TLL2: variants seen among roughly 807,000 people sequenced by gnomAD.
TLL2 encodes the protein tolloid like 2, also known as tolloid-like protein 2.
TLL2 carries 106 observed loss-of-function variants against 123.0 expected under a neutral mutation model. That is an observed-to-expected ratio of 0.86 (90% confidence interval 0.74 to 1.01). The LOEUF is 1.01. Ranked by LOEUF, TLL2 falls within the 50% of genes least tolerant of loss-of-function variation. The pLI, the probability that TLL2 is intolerant of heterozygous loss-of-function variation, is 0.00. For synonymous variants in TLL2, 494 were observed against 516.8 expected (o/e 0.96, Z 0.60); for missense variants, 1,332 against 1,336.7 (o/e 1.00, Z 0.06).
At chr10:96,368,703 G>A (rs1412199264) in intron 20 of TLL2, among the ~76,000 whole-genome samples, 1 of 152,192 alleles carries the variant, frequency 6.6e-6, no homozygotes, top group East Asian at 1.9e-4. Context: ...CTGAAACAAA[G>A]ACCATGGTTC....
intron 3 of TLL2, among the ~76,000 whole-genome samples, chr10:96,444,457 G>A (rs1240538971): frequency 2.6e-5 from 4 of 152,158 alleles, no homozygotes; most frequent in African/African-American, 4.8e-5. Context: ...TATTGATGAC[G>A]AAAGCATGAT....
At chr10:96,478,732 G>A (rs766127089) in intron 2 of TLL2, among the ~76,000 whole-genome samples, 41 of 152,186 alleles carry the variant, frequency 2.7e-4, no homozygotes, top group Non-Finnish European at 5.3e-4. Context: ...CAGACTGTAC[G>A]ACTCCATGCA....
At position 96,513,719 on chromosome 10, in the gene TLL2, G is replaced by A; in HGVS notation, c.-34C>T. 6.8e-7 allele frequency: 1 copy of A among 1,466,046 alleles called. No homozygotes were observed. The highest frequency in any genetic ancestry group is 2.4e-4 in the Middle Eastern group (1 of 4,100). The allele number at this position is 1,466,046 out of a possible 1,614,324, so 90.8% of individuals were successfully genotyped here. On this transcript the variant is annotated 5_prime_UTR_variant, in exon 1 of 21. Coordinates refer to ENST00000357947, the MANE Select transcript of TLL2 (RefSeq NM_012465.4). ...GGGGCCGGCTGGGGCAGAGGGAGTTGCGTGCACGAAAGCTCAGCTCGGCCG... is the reference window on the plus strand; with the variant it reads ...GGGGCCGGCTGGGGCAGAGGGAGTTACGTGCACGAAAGCTCAGCTCGGCCG...
In TLL2 at chr10:96,380,818, G is replaced by A. The variant is rs140125791; in HGVS notation, c.2195-1726C>T. On this transcript the variant is annotated intron_variant, in intron 16 of 20. Coordinates refer to ENST00000357947, the MANE Select transcript of TLL2 (RefSeq NM_012465.4). ...GTGGATCACCTGAGGTCCGGAGTTC[G>A]AGACACAAATTAGCCAGGCATGGTG... is the stretch of plus-strand genomic sequence containing the variant. Among the ~76,000 whole-genome samples the A allele has an allele frequency of 4.2e-3, 619 of 147,758 alleles. 4 individuals carry two copies. The highest frequency in any genetic ancestry group is 0.015 in the African/African-American group (590 of 40,048).
Position 96,447,405 on chromosome 10 carries a change from G to A in TLL2, c.287-1237C>T, listed in dbSNP as rs934376273. The stretch of plus-strand genomic sequence containing the variant: ...GACACAGGCAGACAAAAGCAGAAGC[G>A]GGGTGAACAGTTAGGAGCCTTGCAA... On this transcript the variant is annotated intron_variant, in intron 2 of 20. Transcript: ENST00000357947. 5.9e-5 allele frequency among the ~76,000 whole-genome samples: 9 copies of A among 152,336 alleles called. No individual in the cohort carries two copies. In the East Asian group the frequency reaches 1.5e-3, roughly 26 times the overall value.
chr10:96,486,532 AC>A (rs1248727256), intron 1 of TLL2, among the ~76,000 whole-genome samples: 1 of 152,242 alleles, frequency 6.6e-6, no homozygotes, highest in African/African-American at 2.4e-5. Flanking sequence ...CTGCTCTATA[AC>A]CAACCATTTC....
intron 9 of TLL2, 50 bp downstream of exon 9, chr10:96,410,309 A>G: frequency 7.1e-7 from 1 of 1,404,672 alleles, no homozygotes; most frequent in Non-Finnish European, 1.0e-6. Context: ...CTCCCACCTC[A>G]CCCAACTCAA....
intron 3 of TLL2, among the ~76,000 whole-genome samples, chr10:96,443,643 A>G (rs1846869567): frequency 2.6e-5 from 4 of 152,232 alleles, no homozygotes; most frequent in Admixed American, 2.0e-4. Context: ...TTATGCAACA[A>G]TAAATCACAT....
intron 1 of TLL2, among the ~76,000 whole-genome samples, chr10:96,510,857 T>C (rs573226686): frequency 2.0e-5 from 3 of 152,288 alleles, no homozygotes; most frequent in East Asian, 3.9e-4. Context: ...AGGTATGAAG[T>C]AGGCCCAGGG....
chr10:96,460,849 C>G (rs990368182), intron 2 of TLL2, among the ~76,000 whole-genome samples: 1 of 152,168 alleles, frequency 6.6e-6, no homozygotes, highest in East Asian at 1.9e-4. Context: ...CTCTCTCATC[C>G]CTTCTGCCAT....
rs149713642 is a variant in TLL2 at position 96,469,236 on chromosome 10, C to T, written c.286+11113G>A. 1.6e-3 allele frequency among the ~76,000 whole-genome samples: 239 copies of T among 152,348 alleles called. 1 individual carries two copies. The highest frequency in any genetic ancestry group is 6.8e-3 in the Middle Eastern group (2 of 294). The stretch of plus-strand genomic sequence containing the variant: ...CTCAGCAGCACACTACCCTTCCCTC[C>T]GGTCTGACTCTGACCTGGGCTCCGA... On this transcript the variant is annotated intron_variant, in intron 2 of 20. Transcript: ENST00000357947.
At position 96,413,290 on chromosome 10, in the gene TLL2, G is replaced by C. The variant is rs548020737; in HGVS notation, c.950C>G (p.Pro317Arg). ...CCTGACGCCATTGTCATCTTGACGG[G>C]GAAGGATGGTGTCTAAGAAAACTCC... is the stretch of plus-strand genomic sequence containing the variant. The part of the protein sequence containing the change: ...SRGVFLDTIL[P>R]RQDDNGVRPT... Residue 317 changes from proline to arginine, a missense_variant, in exon 8 of 21, where the codon CCC (proline) becomes CGC (arginine). Physicochemically the swap from Pro to Arg is moderately radical, Grantham distance 103. Transcript: ENST00000357947. The C allele has an allele frequency of 1.2e-6, 2 of 1,614,060 alleles. No individual in the cohort carries two copies. Among genetic ancestry groups the C allele is most frequent in the South Asian group, 2.2e-5 (2 of 91,072 alleles).
intron 2 of TLL2, among the ~76,000 whole-genome samples, chr10:96,448,208 C>T (rs1362268737): frequency 6.6e-6 from 1 of 152,252 alleles, no homozygotes; most frequent in Non-Finnish European, 1.5e-5. Flanking sequence ...CCGGAATCCA[C>T]TCACACACTC....
chr10:96,513,070 A>G (rs767932450), intron 1 of TLL2, among the ~76,000 whole-genome samples: 18 of 152,256 alleles, frequency 1.2e-4, no homozygotes, highest in Non-Finnish European at 2.2e-4. Flanking sequence ...GATCTTGGGA[A>G]ACTTTGCGCG....
chr10:96,502,879 C>T (rs534336641), intron 1 of TLL2, among the ~76,000 whole-genome samples: 2 of 152,110 alleles, frequency 1.3e-5, no homozygotes, highest in Non-Finnish European at 2.9e-5. Flanking sequence ...GGCAAAGACT[C>T]AGGGCTGAAC....
At chr10:96,389,073 T>A (rs1846262011) in intron 13 of TLL2, among the ~76,000 whole-genome samples, 1 of 152,222 alleles carries the variant, frequency 6.6e-6, no homozygotes, top group Non-Finnish European at 1.5e-5. Flanking sequence ...CTTAGACATT[T>A]GCTAAAAAGC....
At chr10:96,439,147 C>A in intron 3 of TLL2, among the ~76,000 whole-genome samples, 1 of 126,684 alleles carries the variant, frequency 7.9e-6, no homozygotes, top group African/African-American at 3.2e-5. Context: ...GTTGCCCAGG[C>A]TGGAGTGCAG....
chr10:96,431,642 C>T (rs1228372251), intron 4 of TLL2, among the ~76,000 whole-genome samples: 2 of 152,056 alleles, frequency 1.3e-5, no homozygotes, highest in South Asian at 2.1e-4. Flanking sequence ...GTTGGAGATA[C>T]GGAAGCAGAA....
intron 3 of TLL2, among the ~76,000 whole-genome samples, chr10:96,444,240 A>G (rs1277532281): frequency 6.6e-6 from 1 of 152,234 alleles, no homozygotes; most frequent in Non-Finnish European, 1.5e-5. Flanking sequence ...AGCAACATCT[A>G]TTACAAGCAC....
Sources: gnomAD v4.1 joint callset for allele counts (sites outside exome capture counted in the v4.1 genomes callset) on GRCh38, gnomAD v4.1.1 for gene constraint, MANE v1.5 for transcripts, NCBI Gene and HGNC (gene_info 2026-07-23, HGNC 2026-07-21) for gene names.